IRAG2: variants seen among roughly 807,000 people sequenced by gnomAD.
IRAG2 encodes lymphoid restricted membrane protein.
IRAG2 carries 45 observed loss-of-function variants against 69.9 expected under a neutral mutation model. The observed-to-expected ratio is 0.64, with a 90% CI of 0.51 to 0.83. The LOEUF (loss-of-function observed/expected upper bound fraction) is 0.83. Among genes scored for constraint, IRAG2 ranks in the 40% least tolerant of loss-of-function variants. The pLI, the probability that IRAG2 is intolerant of heterozygous loss-of-function variation, is 0.00. For synonymous variants in IRAG2, 193 were observed against 202.4 expected (o/e 0.95, Z 0.40); for missense variants, 520 against 587.0 (o/e 0.89, Z 1.18).
At chr12:25,076,890 T>G (rs1039369509) in intron 6 of IRAG2, among the ~76,000 whole-genome samples, 14 of 151,992 alleles carry the variant, frequency 9.2e-5, no homozygotes, top group African/African-American at 2.7e-4. Flanking sequence ...TTTTCATTTT[T>G]TTTAAAGCAG....
chr12:25,019,182 T>C (rs1253835336), intron 6 of IRAG2, among the ~76,000 whole-genome samples: 1 of 152,172 alleles, frequency 6.6e-6, no homozygotes, highest in East Asian at 1.9e-4. Context: ...CCACAACCTC[T>C]GGAGCCCCAG....
chr12:25,001,796 G>A (rs1342880023), upstream of IRAG2, among the ~76,000 whole-genome samples: 1 of 144,940 alleles, frequency 6.9e-6, no homozygotes, highest in Non-Finnish European at 1.5e-5. Context: ...TTGAGACAGA[G>A]TCTCGCTCTG....
chr12:25,034,438 T>C (rs988905907), intron 13 of IRAG2, among the ~76,000 whole-genome samples: 1 of 152,244 alleles, frequency 6.6e-6, no homozygotes, highest in Non-Finnish European at 1.5e-5. Context: ...TAGCATTTTC[T>C]TACATGTGTT....
At chr12:25,034,761 G>A (rs1944691739) in intron 13 of IRAG2, among the ~76,000 whole-genome samples, 1 of 152,226 alleles carries the variant, frequency 6.6e-6, no homozygotes, top group Non-Finnish European at 1.5e-5. Flanking sequence ...AGGAGAGAAA[G>A]AATGCCTTTG....
intron 16 of IRAG2, among the ~76,000 whole-genome samples, chr12:25,044,737 A>G (rs1335473656): frequency 6.6e-6 from 1 of 152,296 alleles, no homozygotes; most frequent in Admixed American, 6.5e-5. Flanking sequence ...CACACCCAAC[A>G]TTAGAGAACC....
intron 20 of IRAG2, among the ~76,000 whole-genome samples, chr12:25,105,806 TA>T (rs915475311): frequency 1.5e-4 from 23 of 152,340 alleles, no homozygotes; most frequent in African/African-American, 5.5e-4. Context: ...TTGTTTTCTT[TA>T]AAAACTAAAG....
chr12:25,007,431 G>A (rs1441903771), intron 2 of IRAG2, among the ~76,000 whole-genome samples: 1 of 152,038 alleles, frequency 6.6e-6, no homozygotes, highest in Non-Finnish European at 1.5e-5. Context: ...CAATATCCAA[G>A]AAATGTTTAT....
chr12:25,048,989 G>T (rs547831058), upstream of IRAG2, among the ~76,000 whole-genome samples: 2 of 152,194 alleles, frequency 1.3e-5, no homozygotes, highest in African/African-American at 4.8e-5. Context: ...TAGCTAGCCA[G>T]TTCTCCCAGC....
At chr12:25,073,309 C>T (rs186633084) in intron 6 of IRAG2, among the ~76,000 whole-genome samples, 6 of 152,310 alleles carry the variant, frequency 3.9e-5, no homozygotes, top group East Asian at 1.9e-4. Context: ...TTAACCAATG[C>T]GCATGTAGCA....
chr12:25,052,628 T>A (rs532611732), upstream of IRAG2: 1 of 397,482 alleles, frequency 2.5e-6, no homozygotes, highest in Non-Finnish European at 4.4e-6. Context: ...AGCTCAGGCA[T>A]ACCAAGCCCA....
chr12:25,078,551 G>A (rs1383509176), intron 6 of IRAG2, among the ~76,000 whole-genome samples: 2 of 152,110 alleles, frequency 1.3e-5, no homozygotes, highest in East Asian at 1.9e-4. Context: ...TACTAGAAAA[G>A]CTTGTTATTA....
chr12:25,107,976 A>C lies in IRAG2; in HGVS notation c.1416A>C (p.Thr472=), dbSNP rs749575042. The change falls in exon 22 of 22, where the codon ACA becomes ACC. Residue 472 remains threonine (T), a synonymous_variant. Transcript: ENST00000556887. ...LFQKSVDAAP[T]QQEDSWTSLE... is the part of the protein sequence containing the mutation. ...AGAAGTCTGTGGATGCCGCTCCCAC[A>C]CAGCAAGAGGACTCATGGACGTCTC... is the stretch of plus-strand genomic sequence containing the variant. 3.7e-6 allele frequency: 6 copies of C among 1,614,188 alleles called. No homozygotes were observed. The highest frequency in any genetic ancestry group is 5.1e-6 in the Non-Finnish European group (6 of 1,180,034).
chr12:25,104,688 A>G (rs989502093), intron 20 of IRAG2, among the ~76,000 whole-genome samples: 4 of 152,212 alleles, frequency 2.6e-5, no homozygotes, highest in African/African-American at 7.2e-5. Flanking sequence ...TAAGTTAGAA[A>G]AGACCCTGGA....
intron 15 of IRAG2, chr12:25,037,909 G>GA (rs1160782907): frequency 2.5e-6 from 1 of 397,774 alleles, no homozygotes; most frequent in African/African-American, 2.1e-5. Flanking sequence ...TTTTTAGATT[G>GA]CCTCTGTCAT....
At chr12:25,102,342 T>C in intron 17 of IRAG2, 101 bp downstream of exon 17, 1 of 841,302 alleles carries the variant, frequency 1.2e-6, no homozygotes, top group East Asian at 2.6e-5. Context: ...AACAAAATAG[T>C]GATTTTAATT....
exon 1 of IRAG2, chr12:25,004,708 C>A (rs1944417858): frequency 8.1e-7 from 1 of 1,232,112 alleles, no homozygotes. Flanking sequence ...CGTCTCAAAG[C>A]CGAAGTCACA....
chr12:25,008,081 T>C (rs1032315072), intron 2 of IRAG2, among the ~76,000 whole-genome samples: 28 of 152,218 alleles, frequency 1.8e-4, no homozygotes, highest in Non-Finnish European at 3.1e-4. Context: ...GATGGTGTTA[T>C]GTGTTTTCAA....
chr12:25,088,278 G>C, intron 11 of IRAG2, 121 bp downstream of exon 11: 1 of 773,844 alleles, frequency 1.3e-6, no homozygotes, highest in South Asian at 1.6e-5. Context: ...GATAAGGTCA[G>C]TCAATAGGAC....
intron 17 of IRAG2, chr12:25,102,688 C>T (rs1948824428): frequency 6.3e-6 from 1 of 158,066 alleles, no homozygotes. Flanking sequence ...AGTATTCCCT[C>T]TCCCTGTAAA....
Sources: allele counts gnomAD v4.1 joint callset (sites outside exome capture counted in the v4.1 genomes callset), GRCh38; gene constraint gnomAD v4.1.1; transcripts MANE v1.5; gene names NCBI Gene and HGNC (gene_info 2026-07-23, HGNC 2026-07-21).